ITGA5: variants seen among roughly 807,000 people sequenced by gnomAD.
ITGA5 encodes integrin alpha-5.
ITGA5 carries 55 observed loss-of-function variants against 146.3 expected under a neutral mutation model. The ratio of observed to expected loss-of-function variants is 0.38; its 90% confidence interval spans 0.30 to 0.47. The LOEUF is 0.47. ITGA5 is among the 20% of genes least tolerant of loss of function. The pLI is 0.99. For missense variants in ITGA5, 1,131 were observed against 1,329.0 expected, an observed-to-expected ratio of 0.85 and a Z score of 2.32; for synonymous variants, 500 against 531.8, an observed-to-expected ratio of 0.94 and a Z score of 0.82.
rs769050792 is a variant in ITGA5, at chr12:54,404,890, C to G, written c.1230G>C (p.Val410=). The part of the protein sequence containing the change: ...GDLDQDGYND[V]AIGAPFGGET... ...CCCCACCAAAGGGAGCCCCGATGGC[C>G]ACATCTGGAAGACACAGAACACACA... The change falls in exon 13 of 30, where the codon GTG becomes GTC. Residue 410 remains valine, a synonymous_variant. Coordinates refer to ENST00000293379, the MANE Select transcript of ITGA5 (RefSeq NM_002205.5). 6.4e-7 allele frequency: 1 copy of G among 1,573,348 alleles called. No homozygotes were observed. Among genetic ancestry groups the G allele is most frequent in the Non-Finnish European group, 8.6e-7 (1 of 1,162,942 alleles).
intron 1 of ITGA5, among the ~76,000 whole-genome samples, chr12:54,414,731 C>T (rs1287243388): frequency 6.6e-6 from 1 of 150,976 alleles, no homozygotes; most frequent in Non-Finnish European, 1.5e-5. Context: ...CTTGTAGTCC[C>T]ACCTACTAGG....
rs1956047833 is a variant in ITGA5, at chr12:54,419,176, G to A, written c.23C>T (p.Ser8Phe). 1.3e-6 allele frequency: 2 copies of A among 1,572,802 alleles called. No homozygotes were observed. Among genetic ancestry groups the A allele is most frequent in the Non-Finnish European group, 8.6e-7 (1 of 1,160,290 alleles). Reference protein sequence around the residue: MGSRTPESPLHAVQLRWG... With the variant: MGSRTPEFPLHAVQLRWG... ...GCGCAGCTGCACGGCGTGGAGAGGG[G>A]ACTCTGGCGTCCGGCTCCCCATAGC... Residue 8 changes from serine to phenylalanine, a missense_variant, in exon 1 of 30, where the codon TCC becomes TTC. Physicochemically the swap from Ser to Phe is radical, Grantham distance 155. This residue lies in a region of ITGA5 where 175 missense variants were observed against 179.3 expected (regional missense o/e 0.98). Coordinates refer to ENST00000293379, the MANE Select transcript of ITGA5 (RefSeq NM_002205.5).
At chr12:54,397,902 AT>A (rs774468803) in intron 28 of ITGA5, among the ~76,000 whole-genome samples, 2,260 of 138,926 alleles carry the variant, frequency 0.016, 21 homozygotes, top group East Asian at 0.053. Context: ...TATCATATCC[AT>A]TTTTTTTTTT....
chr12:54,417,256 T>C (rs1264454745), intron 1 of ITGA5, among the ~76,000 whole-genome samples: 2 of 151,494 alleles, frequency 1.3e-5, no homozygotes, highest in Admixed American at 1.3e-4. Context: ...TAGAGGAGTG[T>C]TTTAAAGGGA....
At chr12:54,408,071 G>T in intron 7 of ITGA5, 39 bp downstream of exon 7, 3 of 1,612,704 alleles carry the variant, frequency 1.9e-6, no homozygotes, top group Non-Finnish European at 2.5e-6. Context: ...AGCACTTGAG[G>T]TTCTCCCTCT....
Position 54,411,854 on chromosome 12 carries a change from G to T in ITGA5, c.329C>A (p.Pro110His). 1 of 1,562,668 alleles carries T rather than the reference G, an allele frequency of 6.4e-7. No individual in the cohort carries two copies. Among genetic ancestry groups the T allele is most frequent in the Non-Finnish European group, 8.7e-7 (1 of 1,154,918 alleles). ...CCTACCTTTGCTGTCAAATTCAATG[G>T]GGGTGCACTGTGTGGGGCTGGCACC... ...PWGASPTQCT[P>H]IEFDSKGSRL... Residue 110 changes from proline (P) to histidine (H), a missense_variant, in exon 2 of 30, where the codon CCC becomes CAC. By Grantham distance (77) the Pro-to-His change is moderately conservative. This residue lies in a region of ITGA5 where 175 missense variants were observed against 179.3 expected (regional missense o/e 0.98). Coordinates refer to ENST00000293379, the MANE Select transcript of ITGA5 (RefSeq NM_002205.5).
chr12:54,396,642 A>G (rs903465046), intron 29 of ITGA5, among the ~76,000 whole-genome samples: 1 of 152,176 alleles, frequency 6.6e-6, no homozygotes, highest in African/African-American at 2.4e-5. Flanking sequence ...GATAGGTTTG[A>G]ACTCAAATGC....
rs1203667238 is a variant in ITGA5, at chr12:54,416,194, C to T, written c.218+2787G>A. Among the ~76,000 whole-genome samples, 8 of 152,152 alleles carry T rather than the reference C, an allele frequency of 5.3e-5. No individual in the cohort carries two copies. The highest frequency in any genetic ancestry group is 1.9e-4 in the East Asian group (1 of 5,196). On this transcript the variant is annotated intron_variant, in intron 1 of 29. Transcript: ENST00000293379. This position sits in a 1 kb window ranked among gnomAD's most constrained non-coding sequence, Gnocchi z 4.1. ...AAGGGATTCTCCTGCCTCAGTTTCC[C>T]GAGTAGCTGGGATTACAGGTGCGTG...
chr12:54,408,458 C>T (rs1293430752), intron 6 of ITGA5, among the ~76,000 whole-genome samples: 2 of 151,950 alleles, frequency 1.3e-5, no homozygotes, highest in African/African-American at 2.4e-5. Context: ...CAGGGCGCGG[C>T]GGCTCATGCC....
Position 54,405,365 on chromosome 12 carries a change from G to A in ITGA5, c.1026C>T (p.Asp342=), listed in dbSNP as rs1003140875. Residue 342 remains aspartate, a synonymous_variant, in exon 12 of 30, where the codon GAC becomes GAT. Transcript: ENST00000293379. ...ATDVNGDGLD[D]LLVGAPLLMD... ...TGAGCAGGGGTGCCCCCACCAGCAA[G>A]TCATCCAGCCTGAGGGGAAGGGCAA... 2 of 1,606,084 alleles carry A rather than the reference G, an allele frequency of 1.2e-6. No individual in the cohort carries two copies. Among genetic ancestry groups the A allele is most frequent in the Non-Finnish European group, 8.5e-7 (1 of 1,176,290 alleles).
chr12:54,415,451 A>G (rs954341591), intron 1 of ITGA5, among the ~76,000 whole-genome samples: 65 of 152,238 alleles, frequency 4.3e-4, no homozygotes, highest in African/African-American at 1.5e-3. Context: ...AAAGCTGCTC[A>G]CCTCGTCCCA....
At chr12:54,410,437 C>T (rs1438928018) in intron 2 of ITGA5, among the ~76,000 whole-genome samples, 1 of 151,582 alleles carries the variant, frequency 6.6e-6, no homozygotes, top group South Asian at 2.1e-4. Context: ...CCTTGACCTC[C>T]TGGGTGCAAG....
intron 8 of ITGA5, 46 bp downstream of exon 8, chr12:54,407,786 C>G (rs763084073): frequency 8.1e-6 from 13 of 1,609,842 alleles, no homozygotes; most frequent in Non-Finnish European, 1.1e-5. Flanking sequence ...GGCCCTGTGC[C>G]TCTAACCATC....
Position 54,403,192 on chromosome 12 carries a change from C to T in ITGA5, c.1909G>A (p.Asp637Asn), listed in dbSNP as rs756782196. The part of the protein sequence containing the change: ...LHYQSKSRIE[D>N]KAQILLDCGE... ...TCTCCCTGCCCTGTCCTCACCTTGT[C>T]CTCTATCCGGCTCTTGCTCTGATAA... is the stretch of plus-strand genomic sequence containing the variant. Residue 637 changes from aspartate to asparagine, a missense_variant, in exon 18 of 30, where the codon GAC (aspartate) becomes AAC (asparagine). Asp to Asn is a conservative substitution (Grantham distance 23). Coordinates refer to ENST00000293379, the MANE Select transcript of ITGA5 (RefSeq NM_002205.5). The surrounding 1 kb of genome is among the most constrained non-coding windows in gnomAD (Gnocchi z 4.9). The T allele has an allele frequency of 2.6e-6, 4 of 1,562,048 alleles. No homozygotes were observed. Among genetic ancestry groups the T allele is most frequent in the African/African-American group, 1.4e-5 (1 of 72,868 alleles).
At chr12:54,412,068 G>A (rs1213101783) in intron 1 of ITGA5, 104 bp from the exon 2 acceptor site, 13 of 853,308 alleles carry the variant, frequency 1.5e-5, no homozygotes, top group Non-Finnish European at 2.2e-5. Flanking sequence ...GGCTGGGGGT[G>A]GAGTAGATGC....
rs1955704480 is a variant in ITGA5 at position 54,396,065 on chromosome 12, C to G, written c.*228G>C. ...TGTCCCTGGATCTGAGTTCCCCCAT[C>G]CATGAAGAGGGTATGTGTAAACAAG... On this transcript the variant is annotated 3_prime_UTR_variant, in exon 30 of 30. Transcript: ENST00000293379. The G allele has an allele frequency of 2.2e-6, 1 of 464,594 alleles. No individual in the cohort carries two copies. Among genetic ancestry groups the G allele is most frequent in the South Asian group, 3.0e-5 (1 of 33,278 alleles). The allele number at this position is 464,594 out of a possible 1,614,324, so 28.8% of individuals were successfully genotyped here.
chr12:54,404,409 A>G (rs377428019), intron 14 of ITGA5, 21 bp downstream of exon 14: 20 of 1,612,958 alleles, frequency 1.2e-5, no homozygotes, highest in Non-Finnish European at 1.7e-5. Context: ...TTGTCCCCTC[A>G]TCTCCCTTTG....
rs1478270820 is a variant in ITGA5, at chr12:54,403,201, G to C, written c.1900C>G (p.Arg634Gly). 6.4e-7 allele frequency: 1 copy of C among 1,559,288 alleles called. No homozygotes were observed. The highest frequency in any genetic ancestry group is 8.7e-7 in the Non-Finnish European group (1 of 1,154,142). Reference protein sequence around the residue: ...RPALHYQSKSRIEDKAQILLD... With the variant: ...RPALHYQSKSGIEDKAQILLD... The stretch of plus-strand genomic sequence containing the variant: ...CCTGTCCTCACCTTGTCCTCTATCC[G>C]GCTCTTGCTCTGATAATGTAGGGCT... The change falls in exon 18 of 30, where the codon CGG (arginine) becomes GGG (glycine). Residue 634 changes from arginine (R) to glycine (G), a missense_variant. Physicochemically the swap from Arg to Gly is moderately radical, Grantham distance 125. Around this residue, in one of 3 missense-constraint regions of ITGA5, gnomAD observed 889 missense variants for 1,021.5 expected, o/e 0.87. Coordinates refer to ENST00000293379, the MANE Select transcript of ITGA5 (RefSeq NM_002205.5). The surrounding 1 kb of genome is among the most constrained non-coding windows in gnomAD (Gnocchi z 4.9).
At position 54,401,549 on chromosome 12, in the gene ITGA5, C is replaced by T; in HGVS notation, c.2387+36G>A. The T allele has an allele frequency of 6.2e-7, 1 of 1,609,626 alleles. No individual in the cohort carries two copies. Among genetic ancestry groups the T allele is most frequent in the Non-Finnish European group, 8.5e-7 (1 of 1,175,978 alleles). ...GCATCCTTCCCTAGAAGTCTGTGTC[C>T]CCTCTCAGAAAGACCCCATTTTGCC... On this transcript the variant is annotated intron_variant, in intron 23 of 29. Coordinates refer to ENST00000293379, the MANE Select transcript of ITGA5 (RefSeq NM_002205.5). The surrounding 1 kb of genome is among the most constrained non-coding windows in gnomAD (Gnocchi z 5.0).
Sources: gnomAD v4.1 joint callset for allele counts (sites outside exome capture counted in the v4.1 genomes callset) on GRCh38, gnomAD v4.1.1 for gene constraint, gnomAD v4.1.1 regional missense constraint, Gnocchi (gnomAD v3.1) non-coding constraint, MANE v1.5 for transcripts, NCBI Gene and HGNC (gene_info 2026-07-23, HGNC 2026-07-21) for gene names.